Variants in NFATC4 observed in about 807,000 individuals in gnomAD.
NFATC4 encodes nuclear factor of activated T-cells, cytoplasmic 4.
Under a neutral mutation model 73.4 loss-of-function variants are expected in NFATC4, and 25 were observed. The ratio of observed to expected loss-of-function variants is 0.34; its 90% CI spans 0.25 to 0.48. The LOEUF (loss-of-function observed/expected upper bound fraction) is 0.48. Ranked by LOEUF, NFATC4 falls within the 20% of genes least tolerant of loss-of-function variation. NFATC4 has a pLI of 0.99. For synonymous variants in NFATC4, 523 were observed against 510.3 expected, an observed-to-expected ratio of 1.02 and a Z score of -0.34; for missense variants, 1,130 against 1,203.7, an observed-to-expected ratio of 0.94 and a Z score of 0.91.
intron 1 of NFATC4, 82 bp from the exon 2 acceptor site, chr14:24,369,417 G>A (rs1566461079): frequency 6.2e-6 from 10 of 1,607,140 alleles, no homozygotes; most frequent in Non-Finnish European, 7.6e-6. Flanking sequence ...AGGACTTGCG[G>A]CCTGGCCACT....
chr14:24,373,456 C>T lies in NFATC4; in HGVS notation c.1559+86C>T. On this transcript the variant is annotated intron_variant, in intron 4 of 9. Coordinates refer to ENST00000250373, the MANE Select transcript of NFATC4 (RefSeq NM_004554.5). This position sits in a 1 kb window ranked among gnomAD's most constrained non-coding sequence, Gnocchi z 4.7. ...CTATGCTAGCCCACTTCTTCCTTTTCCCAGAAGAGGTAGACATTTTTCCTA... is the reference window on the plus strand; with the variant it reads ...CTATGCTAGCCCACTTCTTCCTTTTTCCAGAAGAGGTAGACATTTTTCCTA... The T allele has an allele frequency of 2.0e-6, 3 of 1,497,934 alleles. No homozygotes were observed. Among genetic ancestry groups the T allele is most frequent in the East Asian group, 2.3e-5 (1 of 43,704 alleles). The allele number at this position is 1,497,934 out of a possible 1,614,324, so 92.8% of individuals were successfully genotyped here.
At chr14:24,369,250 A>G (rs2139277544) in intron 1 of NFATC4, 1 of 1,538,506 alleles carries the variant, frequency 6.5e-7, no homozygotes. Context: ...CTCTCACCTT[A>G]AGACCCACTG....
chr14:24,376,640 G>A lies in NFATC4; in HGVS notation c.2403G>A (p.Leu801=). The A allele has an allele frequency of 1.9e-6, 3 of 1,613,338 alleles. No individual in the cohort carries two copies. The highest frequency in any genetic ancestry group is 1.1e-5 in the South Asian group (1 of 91,068). ...PYGGRGSSFS[L]GLPFSPPAPF... ...GAGGGCGGGGCTCCTCTTTCTCCCT[G>A]GGGCTGCCATTCTCTCCGCCAGCCC... The change falls in exon 9 of 10, where the codon CTG becomes CTA. Residue 801 remains leucine, a synonymous_variant. Coordinates refer to ENST00000250373, the MANE Select transcript of NFATC4 (RefSeq NM_004554.5). The surrounding 1 kb of genome is among the most constrained non-coding windows in gnomAD (Gnocchi z 5.0).
rs765870415 is a variant in NFATC4, at chr14:24,369,513, G to A, written c.115G>A (p.Asp39Asn). 9.9e-6 allele frequency: 16 copies of A among 1,610,556 alleles called. No individual in the cohort carries two copies. The highest frequency in any genetic ancestry group is 1.4e-5 in the Non-Finnish European group (16 of 1,177,728). Residue 39 changes from aspartate to asparagine, a missense_variant, in exon 2 of 10, where the codon GAT (aspartate) becomes AAT (asparagine). Transcript: ENST00000250373. Reference sequence around the variant, plus strand: ...CATTTTGACAGAACTGGACTCAGAGGATGCCCCGCCATGCTGCCGTCTGGC... The same window carrying A: ...CATTTTGACAGAACTGGACTCAGAGAATGCCCCGCCATGCTGCCGTCTGGC... ...GGLGEELDSE[D>N]APPCCRLALG...
rs199748006 is a variant in NFATC4 at position 24,376,718 on chromosome 14, T to G, written c.2481T>G (p.Pro827=). 1 of 1,613,934 alleles carries G rather than the reference T, an allele frequency of 6.2e-7. No homozygotes were observed. The highest frequency in any genetic ancestry group is 2.2e-5 in the East Asian group (1 of 44,866). ...PASPPLEGPF[P]SQSDVHPLPA... Reference sequence around the variant, plus strand: ...CCCCACCGCTTGAAGGCCCCTTCCCTTCCCAGAGTGATGTGCATCCCCTAC... The same window carrying G: ...CCCCACCGCTTGAAGGCCCCTTCCCGTCCCAGAGTGATGTGCATCCCCTAC... The change falls in exon 9 of 10, where the codon CCT becomes CCG. Residue 827 remains proline, a synonymous_variant. Transcript: ENST00000250373. This position sits in a 1 kb window ranked among gnomAD's most constrained non-coding sequence, Gnocchi z 5.0.
rs774781557 is a variant in NFATC4, at chr14:24,374,440, A to C, written c.1847A>C (p.Lys616Thr). Residue 616 changes from lysine to threonine, a missense_variant, in exon 6 of 10, where the codon AAG (lysine) becomes ACG (threonine). By Grantham distance (78) the Lys-to-Thr change is moderately conservative. This residue lies in a region of NFATC4 where 390 missense variants were observed against 408.1 expected (regional missense o/e 0.96). Transcript: ENST00000250373. The stretch of plus-strand genomic sequence containing the variant: ...GGCTCCAACTTCCTGCCAGACTCCA[A>C]GGTGGTGTTCATTGAGAGGGGTCCT... ...LTGSNFLPDS[K>T]VVFIERGPDG... 1 of 1,613,890 alleles carries C rather than the reference A, an allele frequency of 6.2e-7. No homozygotes were observed. Among genetic ancestry groups the C allele is most frequent in the Non-Finnish European group, 8.5e-7 (1 of 1,179,870 alleles).
rs2042360971 is a variant in NFATC4, at chr14:24,368,277, TA to T, written c.-63del. 7.3e-7 allele frequency: 1 copy of T among 1,366,934 alleles called. No individual in the cohort carries two copies. The highest frequency in any genetic ancestry group is 1.5e-5 in the African/African-American group (1 of 65,038). The allele number at this position is 1,366,934 out of a possible 1,614,324, so 84.7% of individuals were successfully genotyped here. On this transcript the variant is annotated 5_prime_UTR_variant, in exon 1 of 10. Transcript: ENST00000250373. ...AGGGAGGGAGCCACCCGGGTGAAGA[TA>T]CAGCAGCCTCCTGAACTCCCCCCTC... is the stretch of plus-strand genomic sequence containing the variant.
chr14:24,367,139 T>TCACACA, upstream of NFATC4: 1 of 1,613,402 alleles, frequency 6.2e-7, no homozygotes, highest in South Asian at 1.1e-5. Flanking sequence ...TAACTCCCTC[T>TCACACA]CACACAACCC....
In NFATC4 at chr14:24,377,332, T is replaced by C. The variant is rs2139315885; in HGVS notation, c.2642-306T>C. On this transcript the variant is annotated intron_variant, in intron 9 of 9. Transcript: ENST00000250373. This position sits in a 1 kb window ranked among gnomAD's most constrained non-coding sequence, Gnocchi z 4.2. Reference sequence around the variant, plus strand: ...AGCTTTCCTGTTTTGCCTCTCCTTCTTCCCATTGGCTACACCCATCTCTGG... The same window carrying C: ...AGCTTTCCTGTTTTGCCTCTCCTTCCTCCCATTGGCTACACCCATCTCTGG... 7.8e-7 allele frequency: 1 copy of C among 1,280,132 alleles called. No homozygotes were observed. The highest frequency in any genetic ancestry group is 9.9e-7 in the Non-Finnish European group (1 of 1,013,070). The allele number at this position is 1,280,132 out of a possible 1,614,324, so 79.3% of individuals were successfully genotyped here.
At chr14:24,374,293 C>T in intron 5 of NFATC4, 33 bp from the exon 6 acceptor site, 1 of 1,578,618 alleles carries the variant, frequency 6.3e-7, no homozygotes, top group Non-Finnish European at 8.6e-7. Context: ...CATGCCCAGC[C>T]CAGCCAGTCC....
rs2229309 is a variant in NFATC4 at position 24,369,877 on chromosome 14, G to C, written c.479G>C (p.Gly160Ala). 849,785 of 1,609,378 alleles carry C rather than the reference G, an allele frequency of 0.53. 236,853 individuals are homozygous for C. Among genetic ancestry groups the C allele is most frequent in the Middle Eastern group, 0.58 (3,541 of 6,054 alleles). Residue 160 changes from glycine to alanine, a missense_variant, in exon 2 of 10, where the codon GGC becomes GCC. Physicochemically the swap from Gly to Ala is moderately conservative, Grantham distance 60. Transcript: ENST00000250373. ...EGFGGYREAG[G>A]QGGGAFFSPS... is the part of the protein sequence containing the mutation. ...TTTGGGGGCTACAGAGAAGCAGGGG[G>C]CCAGGGTGGGGGGGCCTTCTTCAGC...
chr14:24,370,241 C>T lies in NFATC4; in HGVS notation c.843C>T (p.Ser281=), dbSNP rs1364435322. The change falls in exon 2 of 10, where the codon TCC becomes TCT. Residue 281 remains serine (S), a synonymous_variant. Transcript: ENST00000250373. ...GCTCGGGAACCCCATCTTCAGCCTC[C>T]CCAGCTCTGTCCCGCCGTGGCAGCC... is the stretch of plus-strand genomic sequence containing the variant. ...YSSSGTPSSA[S]PALSRRGSLG... is the part of the protein sequence containing the mutation. 1 of 1,612,428 alleles carries T rather than the reference C, an allele frequency of 6.2e-7. No homozygotes were observed. The highest frequency in any genetic ancestry group is 2.2e-5 in the East Asian group (1 of 44,870).
intron 2 of NFATC4, among the ~76,000 whole-genome samples, chr14:24,371,327 A>G (rs956525070): frequency 6.6e-6 from 1 of 152,196 alleles, no homozygotes; most frequent in Non-Finnish European, 1.5e-5. Flanking sequence ...CAGCACTACT[A>G]TTTTGAGCAG....
intron 2 of NFATC4, 168 bp from the exon 3 acceptor site, chr14:24,372,273 T>C: frequency 1.4e-6 from 1 of 722,326 alleles, no homozygotes; most frequent in South Asian, 2.2e-5. Flanking sequence ...TTTTTTAGTT[T>C]AAAAAAAATT....
intron 1 of NFATC4, among the ~76,000 whole-genome samples, chr14:24,368,652 G>A (rs1487211544): frequency 6.6e-6 from 1 of 150,798 alleles, no homozygotes; most frequent in Non-Finnish European, 1.5e-5. Context: ...GGGGGTGGGG[G>A]TGCTGTTGGC....
At position 24,378,141 on chromosome 14, in the gene NFATC4, G is replaced by C. The variant is rs56300301; in HGVS notation, c.*436G>C. The C allele has an allele frequency of 3.2e-5, 6 of 186,940 alleles. No homozygotes were observed. In the East Asian group the frequency reaches 7.4e-4, roughly 23 times the overall value. 11.6% of individuals were successfully genotyped at this position (186,940 alleles called of 1,614,324 possible). On this transcript the variant is annotated 3_prime_UTR_variant, in exon 10 of 10. Transcript: ENST00000250373. ...CAAGGAGGCCCAGAAGTTGGAAAGA[G>C]ATGGAATGTGGCTGGGAACATTGCA... is the stretch of plus-strand genomic sequence containing the variant.
chr14:24,372,139 C>T, intron 2 of NFATC4: 1 of 324,812 alleles, frequency 3.1e-6, no homozygotes, highest in Non-Finnish European at 5.6e-6. Flanking sequence ...TCCACCCCAA[C>T]CCCTGCGCTC....
At position 24,379,352 on chromosome 14, in the gene NFATC4, C is replaced by T. The variant is rs1226083879; in HGVS notation, c.*1647C>T. 6.6e-6 allele frequency: 1 copy of T among 152,162 alleles called. No individual in the cohort carries two copies. The highest frequency in any genetic ancestry group is 1.9e-4 in the East Asian group (1 of 5,196). The allele number at this position is 152,162 out of a possible 1,614,324, so 9.4% of individuals were successfully genotyped here. A position where few individuals can be genotyped will look rare whatever the true frequency, so the allele number is the denominator to read the frequency against. On this transcript the variant is annotated 3_prime_UTR_variant, in exon 10 of 10. Coordinates refer to ENST00000250373, the MANE Select transcript of NFATC4 (RefSeq NM_004554.5). ...ATGTCAGAAGGGACCCTAGGGCATTCGTGTCCTATTTATCAATCTTCAGCA... is the reference window on the plus strand; with the variant it reads ...ATGTCAGAAGGGACCCTAGGGCATTTGTGTCCTATTTATCAATCTTCAGCA...
rs1267632572 is a variant in NFATC4, at chr14:24,370,566, C to T, written c.1168C>T (p.Arg390Trp). ...VPSPLAWSKA[R>W]IGGHSPIFRT... ...CTCCCCACTCGCTTGGTCCAAGGCC[C>T]GGATTGGGGGACACAGCCCTATCTT... The change falls in exon 2 of 10, where the codon CGG (arginine) becomes TGG (tryptophan). Residue 390 changes from arginine to tryptophan, a missense_variant. Transcript: ENST00000250373. The T allele has an allele frequency of 5.6e-6, 9 of 1,611,474 alleles. No homozygotes were observed. Among genetic ancestry groups the T allele is most frequent in the African/African-American group, 1.3e-5 (1 of 74,856 alleles).
Sources: allele counts gnomAD v4.1 joint callset (sites outside exome capture counted in the v4.1 genomes callset), GRCh38; gene constraint gnomAD v4.1.1; regional missense constraint gnomAD v4.1.1; non-coding constraint Gnocchi (gnomAD v3.1); transcripts MANE v1.5; gene names NCBI Gene and HGNC (gene_info 2026-07-23, HGNC 2026-07-21).